Variants in FSTL4 observed in about 807,000 individuals in gnomAD.
FSTL4 encodes follistatin like 4.
In FSTL4, 28 loss-of-function variants were observed where a neutral mutation model predicts 78.2. The ratio of observed to expected loss-of-function variants is 0.36; its 90% CI spans 0.27 to 0.49. The LOEUF (loss-of-function observed/expected upper bound fraction) is 0.49, where lower values mean the gene tolerates loss of function less well. FSTL4 is among the 20% of genes least tolerant of loss of function. The probability of loss-of-function intolerance (pLI) is 0.98; values close to 1 mark genes in which losing one functional copy is unlikely to be tolerated. For synonymous variants in FSTL4, 422 were observed against 440.5 expected (o/e 0.96, Z 0.53); for missense variants, 922 against 1,084.9 (o/e 0.85, Z 2.11).
intron 4 of FSTL4, among the ~76,000 whole-genome samples, chr5:133,368,213 A>G (rs57754697): frequency 0.098 from 14,914 of 152,218 alleles, 744 homozygotes; most frequent in African/African-American, 0.11. Flanking sequence ...TGTCAGCTCA[A>G]CCTCTGGAAG....
chr5:133,292,889 T>A (rs937933473), intron 6 of FSTL4, among the ~76,000 whole-genome samples: 2 of 152,250 alleles, frequency 1.3e-5, no homozygotes, highest in African/African-American at 4.8e-5. Context: ...AGCTCCTGAT[T>A]TAAGGGGCAG....
At chr5:133,778,966 T>G in the FSTL4 span, among the ~76,000 whole-genome samples, 19 of 152,310 alleles carry the variant, frequency 1.2e-4, 1 homozygote, top group Non-Finnish European at 2.4e-4. Context: ...CAACAAGGGC[T>G]TCCTGGGTTC....
the FSTL4 span, among the ~76,000 whole-genome samples, chr5:133,739,182 A>G: frequency 6.6e-6 from 1 of 152,012 alleles, no homozygotes; most frequent in Non-Finnish European, 1.5e-5. Context: ...ACACAGAAAT[A>G]CTCTAACCCA....
chr5:133,216,100 T>C (rs960838538), intron 13 of FSTL4, among the ~76,000 whole-genome samples: 1 of 152,228 alleles, frequency 6.6e-6, no homozygotes, highest in African/African-American at 2.4e-5. Context: ...ATCACCCTTC[T>C]ATAGTTGCTT....
chr5:133,343,488 G>A (rs921612400), intron 4 of FSTL4, among the ~76,000 whole-genome samples: 1 of 152,284 alleles, frequency 6.6e-6, no homozygotes, highest in East Asian at 1.9e-4. Context: ...AAAACACTGC[G>A]GCATCCTTCT....
chr5:133,794,047 C>T, the FSTL4 span, among the ~76,000 whole-genome samples: 1 of 152,218 alleles, frequency 6.6e-6, no homozygotes, highest in African/African-American at 2.4e-5. Flanking sequence ...TGGGGAGCCG[C>T]TTGCCCTTTC....
rs150555126 is a variant in FSTL4, at chr5:133,344,874, T to C, written c.410-28222A>G. On this transcript the variant is annotated intron_variant, in intron 4 of 15. Transcript: ENST00000265342. ...CCGGGGTTTTGTTTCACTGGATACCTGGCTTAGCTCTTCTGTTTCTTGGAC... is the reference window on the plus strand; with the variant it reads ...CCGGGGTTTTGTTTCACTGGATACCCGGCTTAGCTCTTCTGTTTCTTGGAC... 4.4e-3 allele frequency among the ~76,000 whole-genome samples: 665 copies of C among 152,286 alleles called. 8 individuals carry two copies. The highest frequency in any genetic ancestry group is 0.015 in the African/African-American group (629 of 41,556).
intron 3 of FSTL4, among the ~76,000 whole-genome samples, chr5:133,515,687 TTA>T (rs1017099720): frequency 1.3e-4 from 19 of 145,322 alleles, no homozygotes; most frequent in Non-Finnish European, 2.1e-4. Context: ...CTTTTTTTTT[TTA>T]AAAAAAAGCA....
At chr5:133,712,978 G>C in the FSTL4 span, among the ~76,000 whole-genome samples, 2 of 152,252 alleles carry the variant, frequency 1.3e-5, no homozygotes, top group African/African-American at 4.8e-5. Flanking sequence ...CCCACTAGAA[G>C]GCCAGAATTC....
rs552044059 is a variant in FSTL4 at position 133,278,592 on chromosome 5, T to C, written c.728-29016A>G. Among the ~76,000 whole-genome samples the C allele has an allele frequency of 1.6e-4, 24 of 152,332 alleles. 1 individual carries two copies. The highest frequency in any genetic ancestry group is 8.8e-5 in the Non-Finnish European group (6 of 68,024). On this transcript the variant is annotated intron_variant, in intron 6 of 15. Coordinates refer to ENST00000265342, the MANE Select transcript of FSTL4 (RefSeq NM_015082.2). ...GGGAGCTCAGACCTGGTCTCCTGCC[T>C]GTCCCAGAAGGCCATACCAGGTGAG...
the FSTL4 span, among the ~76,000 whole-genome samples, chr5:133,763,616 C>T: frequency 8.7e-3 from 1,332 of 152,350 alleles, 20 homozygotes; most frequent in African/African-American, 0.03. Flanking sequence ...CCAGCACATT[C>T]ATCTGGGCCT....
chr5:133,794,596 G>T, the FSTL4 span, among the ~76,000 whole-genome samples: 1 of 152,228 alleles, frequency 6.6e-6, no homozygotes, highest in African/African-American at 2.4e-5. Flanking sequence ...TAACAAATGT[G>T]TGAACAGACA....
chr5:133,598,072 C>A (rs1314378733), intron 2 of FSTL4, among the ~76,000 whole-genome samples: 1 of 152,164 alleles, frequency 6.6e-6, no homozygotes, highest in East Asian at 1.9e-4. Context: ...TTCCCATCAC[C>A]TACCTGCCCA....
the FSTL4 span, among the ~76,000 whole-genome samples, chr5:133,640,233 T>G: frequency 6.6e-6 from 1 of 152,274 alleles, no homozygotes; most frequent in South Asian, 2.1e-4. Context: ...AGCCCCTTGG[T>G]CACAAATCCA....
At chr5:133,446,630 G>A (rs754416544) in intron 3 of FSTL4, among the ~76,000 whole-genome samples, 1 of 152,160 alleles carries the variant, frequency 6.6e-6, no homozygotes, top group Non-Finnish European at 1.5e-5. Context: ...CCTCCCTCCC[G>A]GGGCCCTCCG....
rs1456179882 is a variant in FSTL4 at position 133,440,212 on chromosome 5, G to A, written c.161-39226C>T. On this transcript the variant is annotated intron_variant, in intron 3 of 15. Coordinates refer to ENST00000265342, the MANE Select transcript of FSTL4 (RefSeq NM_015082.2). The surrounding 1 kb of genome is among the most constrained non-coding windows in gnomAD (Gnocchi z 4.1). ...ATAATTTCTGGGCGCTGTGGAGGGA[G>A]AGGGCCTCAGCGGGCAAGGTGGGCC... 6.6e-6 allele frequency among the ~76,000 whole-genome samples: 1 copy of A among 152,196 alleles called. No individual in the cohort carries two copies. Among genetic ancestry groups the A allele is most frequent in the African/African-American group, 2.4e-5 (1 of 41,450 alleles).
intron 3 of FSTL4, among the ~76,000 whole-genome samples, chr5:133,499,369 TACACACACACACACACAC>T (rs57363602): frequency 7.3e-4 from 93 of 126,788 alleles, no homozygotes; most frequent in African/African-American, 2.3e-3. Flanking sequence ...ACAAGGGGAA[TACACACACACACACACAC>T]ACACACACAC....
At chr5:133,266,940 A>G (rs890504372) in intron 6 of FSTL4, among the ~76,000 whole-genome samples, 9 of 152,178 alleles carry the variant, frequency 5.9e-5, no homozygotes, top group Admixed American at 5.2e-4. Context: ...GGGAACCAGA[A>G]AAGGATGTGC....
chr5:133,344,726 T>C (rs1218231717), intron 4 of FSTL4, among the ~76,000 whole-genome samples: 1 of 152,240 alleles, frequency 6.6e-6, no homozygotes, highest in Admixed American at 6.5e-5. Context: ...TTCTTCATCT[T>C]ATTTTTGTTC....
Sources: gnomAD v4.1 joint callset for allele counts (sites outside exome capture counted in the v4.1 genomes callset) on GRCh38, gnomAD v4.1.1 for gene constraint, Gnocchi (gnomAD v3.1) non-coding constraint, MANE v1.5 for transcripts, NCBI Gene and HGNC (gene_info 2026-07-23, HGNC 2026-07-21) for gene names.